The following TNFSF13B variants were observed in gnomAD, a reference collection of about 807,000 sequenced individuals.
The protein encoded by TNFSF13B is tumor necrosis factor ligand superfamily member 13B.
In TNFSF13B, 8 loss-of-function variants were observed where a neutral mutation model predicts 29.1. The observed-to-expected ratio is 0.27, with a 90% CI of 0.16 to 0.50. The LOEUF (loss-of-function observed/expected upper bound fraction) is 0.50. TNFSF13B is among the 20% of genes least tolerant of loss of function. TNFSF13B has a pLI of 0.98. For synonymous variants in TNFSF13B, 125 were observed against 130.8 expected (o/e 0.96, Z 0.30); for missense variants, 248 against 334.9 (o/e 0.74, Z 2.03).
rs551335825 is a variant in TNFSF13B at position 108,307,631 on chromosome 13, T to A, written c.*693T>A. 1 of 152,160 alleles carries A rather than the reference T, an allele frequency of 6.6e-6. No individual in the cohort carries two copies. Among genetic ancestry groups the A allele is most frequent in the East Asian group, 1.9e-4 (1 of 5,180 alleles). 9.4% of individuals were successfully genotyped at this position (152,160 alleles called of 1,614,324 possible). A position where few individuals can be genotyped will look rare whatever the true frequency, so the allele number is the denominator to read the frequency against. ...ACAGGAGAGAGAGAATATCCTCATT[T>A]GTTTATGCTCATGTGTATTTTCTAT... On this transcript the variant is annotated 3_prime_UTR_variant, in exon 6 of 6. Coordinates refer to ENST00000375887, the MANE Select transcript of TNFSF13B (RefSeq NM_006573.5).
intron 2 of TNFSF13B, among the ~76,000 whole-genome samples, chr13:108,280,398 AG>A (rs1880906038): frequency 6.6e-6 from 1 of 152,168 alleles, no homozygotes; most frequent in African/African-American, 2.4e-5. Context: ...GAAAGGTCCA[AG>A]GGGAAAGTGA....
At position 108,303,707 on chromosome 13, in the gene TNFSF13B, C is replaced by T. The variant is rs1474413502; in HGVS notation, c.745+103C>T. 4 of 1,191,320 alleles carry T rather than the reference C, an allele frequency of 3.4e-6. No homozygotes were observed. In the East Asian group the frequency reaches 9.6e-5, roughly 28 times the overall value. 73.8% of individuals were successfully genotyped at this position (1,191,320 alleles called of 1,614,324 possible). On this transcript the variant is annotated intron_variant, in intron 5 of 5. Coordinates refer to ENST00000375887, the MANE Select transcript of TNFSF13B (RefSeq NM_006573.5). The stretch of plus-strand genomic sequence containing the variant: ...AATGAAAGGATGGTGCCCTAAAATA[C>T]AAATAGACAGAAAGACATTCCTCAA...
At chr13:108,286,422 T>A (rs1448855150) in intron 2 of TNFSF13B, among the ~76,000 whole-genome samples, 1 of 152,296 alleles carries the variant, frequency 6.6e-6, no homozygotes, top group South Asian at 2.1e-4. Context: ...TATTTAATGT[T>A]AGATTTTTTA....
In TNFSF13B at chr13:108,293,592, A is replaced by C. The variant is rs190976982; in HGVS notation, c.481+6733A>C. 5.9e-4 allele frequency among the ~76,000 whole-genome samples: 90 copies of C among 152,194 alleles called. No individual in the cohort carries two copies. The South Asian group carries it at 0.015, about 26-fold the overall frequency. The stretch of plus-strand genomic sequence containing the variant: ...TTCTCTTTTATTTATATGTCCTATC[A>C]TTTCTTATAGCAATCTTTTGTAGTG... On this transcript the variant is annotated intron_variant, in intron 3 of 5. Coordinates refer to ENST00000375887, the MANE Select transcript of TNFSF13B (RefSeq NM_006573.5).
chr13:108,280,069 CTTTTT>C (rs35086854), intron 2 of TNFSF13B, among the ~76,000 whole-genome samples: 17 of 120,028 alleles, frequency 1.4e-4, no homozygotes, highest in Admixed American at 2.5e-4. Flanking sequence ...ATGGCGTCTG[CTTTTT>C]TTTTTTTTTT....
chr13:108,274,653 G>A (rs1021996065), intron 2 of TNFSF13B, among the ~76,000 whole-genome samples: 3 of 152,084 alleles, frequency 2.0e-5, no homozygotes, highest in Non-Finnish European at 2.9e-5. Context: ...TGTAACACAA[G>A]GACGTTTTTT....
In TNFSF13B at chr13:108,269,836, G is replaced by T; in HGVS notation, c.-60G>T. The T allele has an allele frequency of 1.4e-6, 2 of 1,442,836 alleles. No individual in the cohort carries two copies. Among genetic ancestry groups the T allele is most frequent in the Non-Finnish European group, 9.4e-7 (1 of 1,063,182 alleles). The allele number at this position is 1,442,836 out of a possible 1,614,324, so 89.4% of individuals were successfully genotyped here. On this transcript the variant is annotated 5_prime_UTR_variant, in exon 1 of 6. An upstream start codon of the reference 5' UTR is lost. Transcript: ENST00000375887. ...TCAACAAACACAGATAACAGGAAAT[G>T]ATCCATTCCCTGTGGTCACTTATTC...
At chr13:108,287,787 C>T (rs1594525299) in intron 3 of TNFSF13B, among the ~76,000 whole-genome samples, 1 of 152,136 alleles carries the variant, frequency 6.6e-6, no homozygotes, top group South Asian at 2.1e-4. Context: ...GAATGTTTTA[C>T]ATTTTTCAGT....
Position 108,269,939 on chromosome 13 carries a change from G to A in TNFSF13B, c.44G>A (p.Cys15Tyr). ...TEREQSRLTS[C>Y]LKKREEMKLK... ...AGGGAGCAGTCACGCCTTACTTCTT[G>A]CCTTAAGAAAAGAGAAGAAATGAAA... The change falls in exon 1 of 6, where the codon TGC (cysteine) becomes TAC (tyrosine). Residue 15 changes from cysteine (C) to tyrosine (Y), a missense_variant. Cys to Tyr is a radical substitution (Grantham distance 194, BLOSUM62 -2). Coordinates refer to ENST00000375887, the MANE Select transcript of TNFSF13B (RefSeq NM_006573.5). 1 of 1,613,448 alleles carries A rather than the reference G, an allele frequency of 6.2e-7. No individual in the cohort carries two copies. The highest frequency in any genetic ancestry group is 1.1e-5 in the South Asian group (1 of 91,080).
In TNFSF13B at chr13:108,297,757, T is replaced by C. The variant is rs756170065; in HGVS notation, c.482-5496T>C. ...TACGGATGCATATCCTCCCCCATTA[T>C]CAAAATCCCCCACCAGAGTGATACA... On this transcript the variant is annotated intron_variant, in intron 3 of 5. Transcript: ENST00000375887. Among the ~76,000 whole-genome samples the C allele has an allele frequency of 2.7e-5, 4 of 145,812 alleles. No individual in the cohort carries two copies. In the East Asian group the frequency reaches 5.8e-4, roughly 21 times the overall value.
At chr13:108,285,807 G>A (rs1044047273) in intron 2 of TNFSF13B, among the ~76,000 whole-genome samples, 3 of 152,090 alleles carry the variant, frequency 2.0e-5, no homozygotes, top group South Asian at 4.1e-4. Flanking sequence ...AAAATATTTG[G>A]TAGATAAAAA....
In TNFSF13B at chr13:108,295,547, A is replaced by G. The variant is rs1471636134; in HGVS notation, c.482-7706A>G. On this transcript the variant is annotated intron_variant, in intron 3 of 5. Transcript: ENST00000375887. ...TTATTATTACCTTCTTTATTATATT[A>G]TCTGATCTTTATTATTTTCTTCCTT... 1.4e-5 allele frequency among the ~76,000 whole-genome samples: 2 copies of G among 144,130 alleles called. 1 individual carries two copies. Among genetic ancestry groups the G allele is most frequent in the Non-Finnish European group, 3.1e-5 (2 of 65,150 alleles). The allele number at this position is 144,130 out of a possible 152,430, so 94.6% of individuals were successfully genotyped here. A position where few individuals can be genotyped will look rare whatever the true frequency, so the allele number is the denominator to read the frequency against.
intron 2 of TNFSF13B, among the ~76,000 whole-genome samples, chr13:108,271,511 A>C (rs937620378): frequency 6.6e-6 from 1 of 150,666 alleles, no homozygotes; most frequent in Non-Finnish European, 1.5e-5. Flanking sequence ...CCTGACTATA[A>C]ACTTATTTTT....
At chr13:108,283,752 G>T (rs1016769845) in intron 2 of TNFSF13B, among the ~76,000 whole-genome samples, 5 of 152,124 alleles carry the variant, frequency 3.3e-5, no homozygotes, top group African/African-American at 1.2e-4. Flanking sequence ...TAAAGATTTC[G>T]GTATCTGATG....
intron 2 of TNFSF13B, among the ~76,000 whole-genome samples, chr13:108,281,521 A>G (rs1161119427): frequency 6.6e-6 from 1 of 152,096 alleles, no homozygotes; most frequent in Non-Finnish European, 1.5e-5. Flanking sequence ...TCCTCACCCT[A>G]TGTCTTTTCC....
chr13:108,300,885 G>A lies in TNFSF13B; in HGVS notation c.482-2368G>A, dbSNP rs551686737. On this transcript the variant is annotated intron_variant, in intron 3 of 5. Coordinates refer to ENST00000375887, the MANE Select transcript of TNFSF13B (RefSeq NM_006573.5). ...TGGGAAGTTTCTTGATCCACCCATA[G>A]ATCCTCCATCCTTCCTCTGCACTCT... Among the ~76,000 whole-genome samples the A allele has an allele frequency of 2.0e-5, 3 of 152,288 alleles. No individual in the cohort carries two copies. The East Asian group carries it at 5.8e-4, about 29-fold the overall frequency.
chr13:108,289,663 T>C (rs973708863), intron 3 of TNFSF13B, among the ~76,000 whole-genome samples: 5 of 149,062 alleles, frequency 3.4e-5, no homozygotes, highest in Non-Finnish European at 7.4e-5. Flanking sequence ...TAGCATATTG[T>C]ATATATTATC....
At chr13:108,278,935 C>A (rs908691127) in intron 2 of TNFSF13B, among the ~76,000 whole-genome samples, 1 of 152,122 alleles carries the variant, frequency 6.6e-6, no homozygotes, top group African/African-American at 2.4e-5. Context: ...TAGAGTGCTA[C>A]ACTTCTGTGG....
intron 2 of TNFSF13B, among the ~76,000 whole-genome samples, chr13:108,284,254 G>A (rs957729808): frequency 4.6e-5 from 7 of 152,192 alleles, no homozygotes; most frequent in African/African-American, 1.4e-4. Flanking sequence ...GCGTGAGCGC[G>A]GGAGGCGGAG....
Sources: allele counts gnomAD v4.1 joint callset (sites outside exome capture counted in the v4.1 genomes callset), GRCh38; gene constraint gnomAD v4.1.1; transcripts MANE v1.5; gene names NCBI Gene and HGNC (gene_info 2026-07-23, HGNC 2026-07-21).